The following HHAT variants were observed in gnomAD, a reference collection of about 807,000 sequenced individuals.
The protein encoded by HHAT is hedgehog acyltransferase.
HHAT carries 47 observed loss-of-function variants against 70.8 expected under a neutral mutation model. That is an observed-to-expected ratio of 0.66 (90% CI 0.53 to 0.85). The LOEUF is 0.85. Among genes scored for constraint, HHAT ranks in the 40% least tolerant of loss-of-function variants. The pLI is 0.00. For synonymous variants in HHAT, 228 were observed against 247.6 expected (o/e 0.92, Z 0.74); for missense variants, 609 against 604.8 (o/e 1.01, Z -0.07).
At chr1:210,513,009 T>C in intron 8 of HHAT, 144 bp from the exon 9 acceptor site, 1 of 560,902 alleles carries the variant, frequency 1.8e-6, no homozygotes, top group Non-Finnish European at 3.1e-6. Flanking sequence ...ATGCTGCTGC[T>C]CCAGCAGCCA....
At chr1:210,530,859 A>G (rs2095307530) in intron 9 of HHAT, among the ~76,000 whole-genome samples, 1 of 152,112 alleles carries the variant, frequency 6.6e-6, no homozygotes, top group Admixed American at 6.5e-5. Context: ...CAGATGCTCA[A>G]AGTATTGACA....
At chr1:210,351,785 C>T (rs1402142222) in intron 2 of HHAT, among the ~76,000 whole-genome samples, 1 of 152,182 alleles carries the variant, frequency 6.6e-6, no homozygotes, top group Non-Finnish European at 1.5e-5. Context: ...ACATTTATTA[C>T]AGGGCAGCTG....
In HHAT at chr1:210,334,404, C is replaced by T. The variant is rs655417; in HGVS notation, c.-44+5300C>T. 5.5e-3 allele frequency among the ~76,000 whole-genome samples: 843 copies of T among 152,052 alleles called. 8 individuals carry two copies. Among genetic ancestry groups the T allele is most frequent in the African/African-American group, 0.019 (804 of 41,480 alleles). Reference sequence around the variant, plus strand: ...CTCCTGGGCTCAAGTCGTCTGCCCACCTCAGCCTCCCAAAATGGTGGGATT... The same window carrying T: ...CTCCTGGGCTCAAGTCGTCTGCCCATCTCAGCCTCCCAAAATGGTGGGATT... On this transcript the variant is annotated intron_variant, in intron 1 of 11. Coordinates refer to ENST00000261458, the MANE Select transcript of HHAT (RefSeq NM_018194.6).
chr1:210,559,613 A>T (rs1357047639), intron 9 of HHAT, among the ~76,000 whole-genome samples: 2 of 152,218 alleles, frequency 1.3e-5, no homozygotes, highest in Admixed American at 1.3e-4. Context: ...CAATTATGCC[A>T]TTCACAAAAA....
At chr1:210,449,088 G>A (rs1459579625) in intron 7 of HHAT, among the ~76,000 whole-genome samples, 4 of 152,028 alleles carry the variant, frequency 2.6e-5, no homozygotes, top group Non-Finnish European at 4.4e-5. Context: ...TAGATGCAGC[G>A]TGTGTTAGAG....
intron 7 of HHAT, among the ~76,000 whole-genome samples, chr1:210,458,206 A>G (rs1037624923): frequency 3.3e-5 from 5 of 152,216 alleles, no homozygotes; most frequent in Non-Finnish European, 7.3e-5. Flanking sequence ...ATCCTAATCA[A>G]TCTTTGCTTT....
chr1:210,448,636 G>T (rs1025246415), intron 7 of HHAT, among the ~76,000 whole-genome samples: 1 of 152,148 alleles, frequency 6.6e-6, no homozygotes, highest in Non-Finnish European at 1.5e-5. Context: ...GTCTACCAAA[G>T]TAGCCATTCT....
intron 4 of HHAT, among the ~76,000 whole-genome samples, chr1:210,393,452 G>C (rs1446255582): frequency 6.6e-6 from 1 of 152,160 alleles, no homozygotes; most frequent in Non-Finnish European, 1.5e-5. Flanking sequence ...TGAGTGGGAA[G>C]TTAGGAAAGC....
intron 7 of HHAT, among the ~76,000 whole-genome samples, chr1:210,447,922 A>G (rs1390944212): frequency 6.6e-6 from 1 of 152,050 alleles, no homozygotes; most frequent in African/African-American, 2.4e-5. Context: ...AAAGCGGAGG[A>G]CCCAGACCCT....
intron 8 of HHAT, among the ~76,000 whole-genome samples, chr1:210,469,665 G>T (rs151020895): frequency 1.4e-4 from 21 of 152,038 alleles, no homozygotes; most frequent in African/African-American, 4.8e-4. Flanking sequence ...TATGCCATTT[G>T]TTCGTTTGTG....
chr1:210,643,799 A>C (rs575452397), intron 11 of HHAT, among the ~76,000 whole-genome samples: 2 of 152,320 alleles, frequency 1.3e-5, no homozygotes, highest in South Asian at 4.1e-4. Context: ...CAAAAGAGCT[A>C]ATTGCAGAAG....
intron 11 of HHAT, among the ~76,000 whole-genome samples, chr1:210,666,572 C>T (rs559522652): frequency 3.8e-4 from 58 of 152,274 alleles, no homozygotes; most frequent in Non-Finnish European, 7.1e-4. Flanking sequence ...TAACCTTTGC[C>T]TCCCGGGTTC....
intron 10 of HHAT, among the ~76,000 whole-genome samples, chr1:210,616,260 G>A (rs1261179223): frequency 6.6e-6 from 1 of 152,156 alleles, no homozygotes; most frequent in East Asian, 1.9e-4. Context: ...TAGTCACTGT[G>A]TTGTACAATA....
chr1:210,490,531 G>T (rs2094535079), intron 8 of HHAT, among the ~76,000 whole-genome samples: 1 of 152,140 alleles, frequency 6.6e-6, no homozygotes, highest in Admixed American at 6.5e-5. Flanking sequence ...ACATTTTCTT[G>T]TTCACCCAAG....
intron 9 of HHAT, among the ~76,000 whole-genome samples, chr1:210,540,168 G>C (rs952241972): frequency 2.6e-5 from 4 of 151,938 alleles, no homozygotes; most frequent in Admixed American, 6.6e-5. Flanking sequence ...TTTCACAATA[G>C]CATCTGGATG....
At chr1:210,624,904 T>A (rs1230495455) in intron 11 of HHAT, among the ~76,000 whole-genome samples, 1 of 152,210 alleles carries the variant, frequency 6.6e-6, no homozygotes, top group Non-Finnish European at 1.5e-5. Context: ...GGTGATGACA[T>A]AACTCTGCAC....
chr1:210,627,692 T>C lies in HHAT; in HGVS notation c.1390+4022T>C, dbSNP rs12137023. 4.3e-3 allele frequency among the ~76,000 whole-genome samples: 658 copies of C among 152,268 alleles called. 6 individuals are homozygous for C. Among genetic ancestry groups the C allele is most frequent in the Non-Finnish European group, 7.4e-3 (503 of 68,026 alleles). Reference sequence around the variant, plus strand: ...ACCTCTGCTGCTGAGGTTGAAGAAGTAGTGTTCAGTTTATTCAGCAGAAAA... The same window carrying C: ...ACCTCTGCTGCTGAGGTTGAAGAAGCAGTGTTCAGTTTATTCAGCAGAAAA... On this transcript the variant is annotated intron_variant, in intron 11 of 11. Transcript: ENST00000261458.
chr1:210,404,616 T>G lies in HHAT; in HGVS notation c.621T>G (p.Tyr207Ter). 1 of 1,614,156 alleles carries G rather than the reference T, an allele frequency of 6.2e-7. No individual in the cohort carries two copies. The highest frequency in any genetic ancestry group is 8.5e-7 in the Non-Finnish European group (1 of 1,180,014). ...ACTCCTTTCCCTGGATGCTGGCCTATGTCTTTTATTATCCAGTCTTACACA... is the reference window on the plus strand; with the variant it reads ...ACTCCTTTCCCTGGATGCTGGCCTAGGTCTTTTATTATCCAGTCTTACACA... ...TSYSFPWMLAYVFYYPVLHNG... is the reference protein window; with the variant it reads ...TSYSFPWMLA The change falls in exon 6 of 12, where the codon TAT (tyrosine) becomes TAG (stop). Residue 207 changes from tyrosine (Y) to a stop codon, truncating the protein, a stop_gained. Coordinates refer to ENST00000261458, the MANE Select transcript of HHAT (RefSeq NM_018194.6). LOFTEE classifies it high-confidence loss of function.
chr1:210,656,993 GGAGAT>G (rs1676575304), intron 11 of HHAT, among the ~76,000 whole-genome samples: 1 of 152,228 alleles, frequency 6.6e-6, no homozygotes, highest in Non-Finnish European at 1.5e-5. Context: ...ACAGGACCTA[GGAGAT>G]GAGATGCCTT....
Sources: gnomAD v4.1 joint callset for allele counts (sites outside exome capture counted in the v4.1 genomes callset) on GRCh38, gnomAD v4.1.1 for gene constraint, MANE v1.5 for transcripts, NCBI Gene and HGNC (gene_info 2026-07-23, HGNC 2026-07-21) for gene names.